The following GXYLT1 variants were observed in gnomAD, a reference collection of about 807,000 sequenced individuals.
The protein encoded by GXYLT1 is glycosyltransferase 8 domain containing 3.
A neutral mutation model predicts 54.0 loss-of-function variants in GXYLT1; 29 were observed. That is an observed-to-expected ratio of 0.54 (90% CI 0.40 to 0.73). The LOEUF (loss-of-function observed/expected upper bound fraction) is 0.73. Among genes scored for constraint, GXYLT1 ranks in the 30% least tolerant of loss-of-function variants. GXYLT1 has a pLI of 0.00. For missense variants in GXYLT1, 490 were observed against 553.4 expected (o/e 0.89, Z 1.15); for synonymous variants, 176 against 204.1 (o/e 0.86, Z 1.17).
chr12:42,141,589 T>G (rs903432584), intron 1 of GXYLT1, among the ~76,000 whole-genome samples: 1 of 152,166 alleles, frequency 6.6e-6, no homozygotes. Context: ...TTAACTAGCT[T>G]AACTGTGATC....
In GXYLT1 at chr12:42,086,100, A is replaced by G. The variant is rs1292687553; in HGVS notation, c.*1686T>C. On this transcript the variant is annotated 3_prime_UTR_variant, in exon 8 of 8. Coordinates refer to ENST00000398675, the MANE Select transcript of GXYLT1 (RefSeq NM_173601.2). ...GGCAGGCAATGATCATTATTTGAGG[A>G]CCATTAGAAATGATCTAATACATAC... 1.4e-5 allele frequency: 2 copies of G among 138,668 alleles called. No homozygotes were observed. The highest frequency in any genetic ancestry group is 3.2e-5 in the Non-Finnish European group (2 of 62,526). 8.6% of individuals were successfully genotyped at this position (138,668 alleles called of 1,614,324 possible).
At chr12:42,114,680 C>T (rs1228463349) in intron 3 of GXYLT1, among the ~76,000 whole-genome samples, 1 of 152,180 alleles carries the variant, frequency 6.6e-6, no homozygotes, top group Admixed American at 6.5e-5. Flanking sequence ...GATGGATTCA[C>T]AGCCGAATTC....
chr12:42,144,629 G>T lies in GXYLT1; in HGVS notation c.18C>A (p.Arg6=). The T allele has an allele frequency of 6.8e-7, 1 of 1,463,998 alleles. No homozygotes were observed. The highest frequency in any genetic ancestry group is 9.0e-7 in the Non-Finnish European group (1 of 1,106,178). The allele number at this position is 1,463,998 out of a possible 1,614,324, so 90.7% of individuals were successfully genotyped here. The change falls in exon 1 of 8, where the codon CGC becomes CGA. Residue 6 remains arginine (R), a synonymous_variant. Transcript: ENST00000398675. Reference sequence around the variant, plus strand: ...CGCAGGCCACACACAGCACCACGACGCGCAGGTAGCGCCGCATCGCCCCGG... The same window carrying T: ...CGCAGGCCACACACAGCACCACGACTCGCAGGTAGCGCCGCATCGCCCCGG... MRRYL[R]VVVLCVACGF... is the part of the protein sequence containing the mutation.
intron 7 of GXYLT1, 109 bp downstream of exon 7, chr12:42,097,333 G>C (rs1299404725): frequency 2.7e-6 from 2 of 734,874 alleles, no homozygotes; most frequent in Admixed American, 3.5e-5. Flanking sequence ...GTTAATAACA[G>C]ATGAGGCTGA....
chr12:42,116,392 G>A (rs144725409), intron 3 of GXYLT1, among the ~76,000 whole-genome samples: 4,468 of 152,144 alleles, frequency 0.029, 195 homozygotes, highest in East Asian at 0.1. Flanking sequence ...CTGACAAAGG[G>A]CTAATATCCA....
At chr12:42,104,064 C>T (rs2065405027) in intron 5 of GXYLT1, among the ~76,000 whole-genome samples, 1 of 152,130 alleles carries the variant, frequency 6.6e-6, no homozygotes, top group African/African-American at 2.4e-5. Context: ...GCCTGGGCAA[C>T]TCTTTTTCTG....
At chr12:42,142,910 A>T (rs186982523) in intron 1 of GXYLT1, among the ~76,000 whole-genome samples, 133 of 152,334 alleles carry the variant, frequency 8.7e-4, no homozygotes, top group Non-Finnish European at 1.3e-3. Flanking sequence ...TTTAAAATAA[A>T]GAGTAATGCT....
At position 42,133,305 on chromosome 12, in the gene GXYLT1, T is replaced by A. The variant is rs145289314; in HGVS notation, c.222-3454A>T. 7.9e-5 allele frequency among the ~76,000 whole-genome samples: 12 copies of A among 152,100 alleles called. No individual in the cohort carries two copies. The East Asian group carries it at 2.3e-3, about 29-fold the overall frequency. On this transcript the variant is annotated intron_variant, in intron 1 of 7. Transcript: ENST00000398675. ...AAAACCAACCAACCAACCAACCAAG[T>A]AGGATCTAACTCCCCTTATCCAGAA... is the stretch of plus-strand genomic sequence containing the variant.
rs1283204696 is a variant in GXYLT1, at chr12:42,084,279, C to G, written c.*3507G>C. 1 of 152,398 alleles carries G rather than the reference C, an allele frequency of 6.6e-6. No homozygotes were observed. The highest frequency in any genetic ancestry group is 2.4e-5 in the African/African-American group (1 of 41,482). The allele number at this position is 152,398 out of a possible 1,614,324, so 9.4% of individuals were successfully genotyped here. ...TTGCCATCCCCATTCTTACTCCTTTCTCTTTCCTCACCCCTTTTCTCACTT... is the reference window on the plus strand; with the variant it reads ...TTGCCATCCCCATTCTTACTCCTTTGTCTTTCCTCACCCCTTTTCTCACTT... On this transcript the variant is annotated 3_prime_UTR_variant, in exon 8 of 8. Coordinates refer to ENST00000398675, the MANE Select transcript of GXYLT1 (RefSeq NM_173601.2).
intron 3 of GXYLT1, among the ~76,000 whole-genome samples, chr12:42,115,960 C>T (rs568333912): frequency 0.02 from 2,936 of 146,266 alleles, 146 homozygotes; most frequent in African/African-American, 0.069. Context: ...GAACAGAGCC[C>T]TCAGAAATAA....
intron 7 of GXYLT1, among the ~76,000 whole-genome samples, chr12:42,089,669 T>C (rs2136871259): frequency 6.6e-6 from 1 of 152,266 alleles, no homozygotes; most frequent in South Asian, 2.1e-4. Context: ...TCCATGCACT[T>C]AATTAACCAC....
At chr12:42,130,185 T>C (rs1333430041) in intron 1 of GXYLT1, among the ~76,000 whole-genome samples, 1 of 152,154 alleles carries the variant, frequency 6.6e-6, no homozygotes, top group East Asian at 1.9e-4. Context: ...CATATACCCC[T>C]AGAACAAAAT....
chr12:42,103,079 T>G (rs1336974593), intron 5 of GXYLT1, among the ~76,000 whole-genome samples: 1 of 152,038 alleles, frequency 6.6e-6, no homozygotes, highest in Non-Finnish European at 1.5e-5. Context: ...TGTCTCAGCC[T>G]CCCAAGTAGC....
rs539272285 is a variant in GXYLT1 at position 42,144,667 on chromosome 12, T to G, written c.-21A>C. ...CGCATCGCCCCGGCCGCGCTCCTCCTTCGCCGCCGCCGCCGCGCCCGCCCC... is the reference window on the plus strand; with the variant it reads ...CGCATCGCCCCGGCCGCGCTCCTCCGTCGCCGCCGCCGCCGCGCCCGCCCC... On this transcript the variant is annotated 5_prime_UTR_variant, in exon 1 of 8. Coordinates refer to ENST00000398675, the MANE Select transcript of GXYLT1 (RefSeq NM_173601.2). 2 of 1,187,230 alleles carry G rather than the reference T, an allele frequency of 1.7e-6. No homozygotes were observed. The highest frequency in any genetic ancestry group is 1.1e-6 in the Non-Finnish European group (1 of 883,032). The allele number at this position is 1,187,230 out of a possible 1,614,324, so 73.5% of individuals were successfully genotyped here.
At chr12:42,107,829 C>T (rs1233332868) in intron 4 of GXYLT1, among the ~76,000 whole-genome samples, 1 of 152,176 alleles carries the variant, frequency 6.6e-6, no homozygotes, top group Admixed American at 6.5e-5. Context: ...TTACTATATT[C>T]TTAGCAGAGT....
intron 3 of GXYLT1, among the ~76,000 whole-genome samples, chr12:42,111,325 G>C (rs2065453889): frequency 6.6e-6 from 1 of 152,232 alleles, no homozygotes; most frequent in Admixed American, 6.5e-5. Context: ...CCGAACCGGG[G>C]CGAGGCATCG....
intron 3 of GXYLT1, among the ~76,000 whole-genome samples, chr12:42,114,771 C>T (rs2065482612): frequency 6.6e-6 from 1 of 152,204 alleles, no homozygotes. Flanking sequence ...TCCTCCCTAA[C>T]TCATTTTATG....
In GXYLT1 at chr12:42,099,009, G is replaced by T. The variant is rs191588302; in HGVS notation, c.865-976C>A. Among the ~76,000 whole-genome samples the T allele has an allele frequency of 2.9e-4, 44 of 152,096 alleles. No individual in the cohort carries two copies. In the East Asian group the frequency reaches 4.8e-3, roughly 17 times the overall value. ...AATAACTGGGTCCAGTCTAGCAGAT[G>T]TATGCAGTCCCATAAACTCTCACCA... On this transcript the variant is annotated intron_variant, in intron 5 of 7. Transcript: ENST00000398675.
intron 2 of GXYLT1, among the ~76,000 whole-genome samples, chr12:42,120,229 C>T (rs2065522438): frequency 6.6e-6 from 1 of 152,202 alleles, no homozygotes; most frequent in Non-Finnish European, 1.5e-5. Flanking sequence ...CAAACCCAGT[C>T]ATAATTTCAT....
Sources: gnomAD v4.1 joint callset for allele counts (sites outside exome capture counted in the v4.1 genomes callset) on GRCh38, gnomAD v4.1.1 for gene constraint, MANE v1.5 for transcripts, NCBI Gene and HGNC (gene_info 2026-07-23, HGNC 2026-07-21) for gene names.